The following ANKH variants were observed in gnomAD, a reference collection of about 807,000 sequenced individuals.
The protein encoded by ANKH is mineralization regulator ANKH.
Under a neutral mutation model 49.0 loss-of-function variants are expected in ANKH, and 15 were observed. The ratio of observed to expected loss-of-function variants is 0.31; its 90% CI spans 0.20 to 0.47. ANKH has a LOEUF of 0.47. Among genes scored for constraint, ANKH ranks in the 20% least tolerant of loss-of-function variants. The pLI, the probability that ANKH is intolerant of heterozygous loss-of-function variation, is 1.00. For synonymous variants in ANKH, 273 were observed against 260.0 expected (o/e 1.05, Z -0.48); for missense variants, 429 against 652.0 (o/e 0.66, Z 3.72).
At position 14,713,395 on chromosome 5, in the gene ANKH, G is replaced by A. The variant is rs567673489; in HGVS notation, c.1265+149C>T. The A allele has an allele frequency of 1.0e-5, 12 of 1,189,504 alleles. No individual in the cohort carries two copies. The South Asian group carries it at 1.6e-4, about 16-fold the overall frequency. The allele number at this position is 1,189,504 out of a possible 1,614,324, so 73.7% of individuals were successfully genotyped here. A position where few individuals can be genotyped will look rare whatever the true frequency, so the allele number is the denominator to read the frequency against. ...AAATGGATCCCAAGAGCCTCCACCT[G>A]GTGCCTGGGCAGACACACAAAACAT... On this transcript the variant is annotated intron_variant, in intron 10 of 11. Coordinates refer to ENST00000284268, the MANE Select transcript of ANKH (RefSeq NM_054027.6). The surrounding 1 kb of genome is among the most constrained non-coding windows in gnomAD (Gnocchi z 4.4).
At chr5:14,748,702 C>T (rs116373754) in intron 6 of ANKH, among the ~76,000 whole-genome samples, 2,704 of 152,288 alleles carry the variant, frequency 0.018, 88 homozygotes, top group African/African-American at 0.062. Flanking sequence ...CAGGTGAGGG[C>T]AGGCCGGGTC....
At chr5:14,852,761 G>T (rs912037123) in intron 1 of ANKH, among the ~76,000 whole-genome samples, 1 of 152,060 alleles carries the variant, frequency 6.6e-6, no homozygotes, top group South Asian at 2.1e-4. Flanking sequence ...TGTCTTTCAC[G>T]TGCAACTGGA....
intron 2 of ANKH, among the ~76,000 whole-genome samples, chr5:14,766,657 T>G (rs1739268186): frequency 6.6e-6 from 1 of 152,240 alleles, no homozygotes; most frequent in South Asian, 2.1e-4. Context: ...TACTTTTGCC[T>G]GGACAAAAGA....
At chr5:14,795,250 G>C (rs530232682) in intron 1 of ANKH, among the ~76,000 whole-genome samples, 1 of 152,282 alleles carries the variant, frequency 6.6e-6, no homozygotes, top group East Asian at 1.9e-4. Flanking sequence ...CAAAAAGAGA[G>C]TGGAAAAAAT....
rs777776078 is a variant in ANKH at position 14,751,239 on chromosome 5, C to A, written c.517G>T (p.Val173Phe). ...TGAAGCAAAATGGCTACAAAAACAA[C>A]CTGAGAGAAGGGAGAACGGGAACAG... ...CASISDVIAQ[V>F]VFVAILLHSH... Residue 173 changes from valine (V) to phenylalanine (F), a missense_variant and splice_region_variant, in exon 5 of 12, where the codon GTT becomes TTT. Val to Phe is a conservative substitution (Grantham distance 50, BLOSUM62 -1). Around this residue, in one of 2 missense-constraint regions of ANKH, gnomAD observed 378 missense variants for 615.3 expected, o/e 0.61. Transcript: ENST00000284268. 22 of 1,614,044 alleles carry A rather than the reference C, an allele frequency of 1.4e-5. No individual in the cohort carries two copies. The highest frequency in any genetic ancestry group is 1.8e-5 in the Non-Finnish European group (21 of 1,180,000).
At chr5:14,814,147 T>C (rs1402258276) in intron 1 of ANKH, among the ~76,000 whole-genome samples, 5 of 152,370 alleles carry the variant, frequency 3.3e-5, no homozygotes, top group African/African-American at 7.2e-5. Flanking sequence ...TCATAGACAA[T>C]TGCTATTCTC....
At position 14,831,250 on chromosome 5, in the gene ANKH, C is replaced by T. The variant is rs10474704; in HGVS notation, c.96+40102G>A. Reference sequence around the variant, plus strand: ...CGGAATCGGACAGCCAGCCAACCCTCTGCATTCCTATTGGAGGAATTCTAT... The same window carrying T: ...CGGAATCGGACAGCCAGCCAACCCTTTGCATTCCTATTGGAGGAATTCTAT... On this transcript the variant is annotated intron_variant, in intron 1 of 11. Coordinates refer to ENST00000284268, the MANE Select transcript of ANKH (RefSeq NM_054027.6). Among the ~76,000 whole-genome samples the T allele has an allele frequency of 5.2e-3, 787 of 152,246 alleles. 6 individuals are homozygous for T. Among genetic ancestry groups the T allele is most frequent in the African/African-American group, 0.017 (700 of 41,542 alleles).
intron 1 of ANKH, among the ~76,000 whole-genome samples, chr5:14,792,093 C>A (rs991822255): frequency 6.6e-6 from 1 of 152,040 alleles, no homozygotes; most frequent in African/African-American, 2.4e-5. Context: ...GTGGAGGGCT[C>A]TGAGGGGGTA....
chr5:14,751,106 T>G lies in ANKH; in HGVS notation c.650A>C (p.His217Pro). Reference sequence around the variant, plus strand: ...GCCACTTCTGTCAGGGATGATGTCGTGAATGTTCTTGTAGTAGCCCAGGCA... The same window carrying G: ...GCCACTTCTGTCAGGGATGATGTCGGGAATGTTCTTGTAGTAGCCCAGGCA... ...TLCLGYYKNIHDIIPDRSGPE... is the reference protein window; with the variant it reads ...TLCLGYYKNIPDIIPDRSGPE... Residue 217 changes from histidine to proline, a missense_variant, in exon 5 of 12, where the codon CAC becomes CCC. His to Pro is a moderately conservative substitution (Grantham distance 77, BLOSUM62 -2). Transcript: ENST00000284268. 2 of 1,614,224 alleles carry G rather than the reference T, an allele frequency of 1.2e-6. No homozygotes were observed. The highest frequency in any genetic ancestry group is 1.7e-6 in the Non-Finnish European group (2 of 1,180,028).
chr5:14,738,490 C>T (rs534602164), intron 8 of ANKH, among the ~76,000 whole-genome samples: 8 of 152,170 alleles, frequency 5.3e-5, no homozygotes, highest in South Asian at 2.1e-4. Context: ...TTGGCCAATG[C>T]GTGGAGGGCT....
chr5:14,803,225 G>A (rs1740614866), intron 1 of ANKH, among the ~76,000 whole-genome samples: 1 of 152,182 alleles, frequency 6.6e-6, no homozygotes, highest in African/African-American at 2.4e-5. Context: ...GATATGGGCT[G>A]AAGGCCATGG....
chr5:14,727,532 C>A (rs1341791742), intron 8 of ANKH, among the ~76,000 whole-genome samples: 3 of 151,692 alleles, frequency 2.0e-5, no homozygotes, highest in Non-Finnish European at 4.4e-5. Flanking sequence ...CAGCAGGGGG[C>A]GCCATGCGCC....
chr5:14,841,541 T>C (rs908548503), intron 1 of ANKH, among the ~76,000 whole-genome samples: 3 of 152,166 alleles, frequency 2.0e-5, no homozygotes, highest in Non-Finnish European at 4.4e-5. Context: ...AGGTGATCCA[T>C]GCACTTTAGC....
intron 1 of ANKH, among the ~76,000 whole-genome samples, chr5:14,816,502 T>C (rs1473114355): frequency 2.0e-5 from 3 of 152,126 alleles, no homozygotes; most frequent in Non-Finnish European, 4.4e-5. Context: ...AAGGGGATGA[T>C]TCATTCGAAC....
At chr5:14,760,195 G>A (rs767233769) in intron 2 of ANKH, among the ~76,000 whole-genome samples, 1 of 152,184 alleles carries the variant, frequency 6.6e-6, no homozygotes, top group Non-Finnish European at 1.5e-5. Context: ...GCACCAAGAA[G>A]AGAAATCCAA....
At chr5:14,783,289 TACAC>T (rs57904537) in intron 1 of ANKH, among the ~76,000 whole-genome samples, 1,934 of 144,598 alleles carry the variant, frequency 0.013, 26 homozygotes, top group South Asian at 0.038. Flanking sequence ...GCCACCATTC[TACAC>T]ACACACACAC....
At chr5:14,851,996 T>C (rs933708153) in intron 1 of ANKH, among the ~76,000 whole-genome samples, 1 of 152,202 alleles carries the variant, frequency 6.6e-6, no homozygotes, top group African/African-American at 2.4e-5. Flanking sequence ...AAAATAGAAT[T>C]TGGGGCTGGG....
At chr5:14,765,001 G>A (rs186527778) in intron 2 of ANKH, among the ~76,000 whole-genome samples, 3 of 152,332 alleles carry the variant, frequency 2.0e-5, no homozygotes, top group South Asian at 2.1e-4. Flanking sequence ...TAATTTCCAC[G>A]CACGTGAAAT....
In ANKH at chr5:14,713,455, ATT is replaced by A; in HGVS notation, c.1265+87_1265+88del. ...TTTCCGATTCTAGACGTGCCTGGGG[ATT>A]TCCCCTGAAAATGTAGCTGTTAAAC... On this transcript the variant is annotated intron_variant, in intron 10 of 11. Coordinates refer to ENST00000284268, the MANE Select transcript of ANKH (RefSeq NM_054027.6). The surrounding 1 kb of genome is among the most constrained non-coding windows in gnomAD (Gnocchi z 4.4). 4 of 1,548,490 alleles carry A rather than the reference ATT, an allele frequency of 2.6e-6. No individual in the cohort carries two copies. The Admixed American group carries it at 7.3e-5, about 28-fold the overall frequency.
Sources: gnomAD v4.1 joint callset for allele counts (sites outside exome capture counted in the v4.1 genomes callset) on GRCh38, gnomAD v4.1.1 for gene constraint, gnomAD v4.1.1 regional missense constraint, Gnocchi (gnomAD v3.1) non-coding constraint, MANE v1.5 for transcripts, NCBI Gene and HGNC (gene_info 2026-07-23, HGNC 2026-07-21) for gene names.